Variants in PRKCH observed in about 807,000 individuals in gnomAD.
PRKCH encodes protein kinase C eta.
In PRKCH, 28 loss-of-function variants were observed where a neutral mutation model predicts 82.5. The observed-to-expected ratio is 0.34, with a 90% CI of 0.25 to 0.47. PRKCH has a LOEUF of 0.47. Ranked by LOEUF, PRKCH falls within the 20% of genes least tolerant of loss-of-function variation. The probability of loss-of-function intolerance (pLI) is 1.00; values close to 1 mark genes in which losing one functional copy is unlikely to be tolerated. For missense variants in PRKCH, 705 were observed against 881.8 expected, an observed-to-expected ratio of 0.80 and a Z score of 2.54; for synonymous variants, 322 against 327.4, an observed-to-expected ratio of 0.98 and a Z score of 0.18.
chr14:61,197,127 G>C (rs1392053663), intron 1 of PRKCH, among the ~76,000 whole-genome samples: 3 of 152,144 alleles, frequency 2.0e-5, no homozygotes, highest in Admixed American at 1.3e-4. Context: ...ATCCTTCAGA[G>C]CTCAGCTTAA....
intron 1 of PRKCH, chr14:61,279,949 T>G: frequency 8.7e-6 from 6 of 691,100 alleles, no homozygotes; most frequent in South Asian, 4.2e-5. Context: ...GCAAGGGGGG[T>G]AATTCCCTTA....
chr14:61,451,711 C>T (rs545100643), intron 6 of PRKCH, among the ~76,000 whole-genome samples: 149 of 152,222 alleles, frequency 9.8e-4, no homozygotes, highest in Non-Finnish European at 1.5e-4. Context: ...ATCTGACTGC[C>T]GTGGGGTGCA....
At position 61,241,209 on chromosome 14, in the gene PRKCH, A is replaced by G. The variant is rs117575104; in HGVS notation, c.-19+53541A>G. ...ACAAAGGACACAGATAAAGAAGTGT[A>G]TAGGGTGAGGTTATGTGAGGAAGGG... On this transcript the variant is annotated intron_variant, in intron 1 of 3. Transcript: ENST00000555185. Among the ~76,000 whole-genome samples, 545 of 152,348 alleles carry G rather than the reference A, an allele frequency of 3.6e-3. 1 individual carries two copies. Among genetic ancestry groups the G allele is most frequent in the Middle Eastern group, 6.8e-3 (2 of 294 alleles).
intron 1 of PRKCH, among the ~76,000 whole-genome samples, chr14:61,375,600 CAG>C (rs374616162): frequency 3.3e-5 from 5 of 150,372 alleles, no homozygotes; most frequent in Admixed American, 6.6e-5. Flanking sequence ...CATGGCAGAG[CAG>C]AGAGAGAGAG....
At chr14:61,210,848 A>G (rs2044573190) in intron 1 of PRKCH, among the ~76,000 whole-genome samples, 1 of 150,648 alleles carries the variant, frequency 6.6e-6, no homozygotes, top group Non-Finnish European at 1.5e-5. Context: ...GCCTGGGTTG[A>G]ATTAGAGAAG....
intron 10 of PRKCH, among the ~76,000 whole-genome samples, chr14:61,494,839 A>T (rs1412757967): frequency 1.3e-5 from 2 of 152,222 alleles, no homozygotes; most frequent in African/African-American, 4.8e-5. Flanking sequence ...AACTCTGGTC[A>T]TGCTTTTCTT....
intron 4 of PRKCH, 83 bp from the exon 5 acceptor site, chr14:61,449,081 G>A (rs1462006778): frequency 3.5e-5 from 46 of 1,302,120 alleles, no homozygotes; most frequent in Middle Eastern, 3.7e-4. Context: ...TTGTTGGCAC[G>A]GTGCAGCCCT....
intron 10 of PRKCH, among the ~76,000 whole-genome samples, chr14:61,523,304 A>G (rs1213185032): frequency 6.6e-6 from 1 of 152,256 alleles, no homozygotes; most frequent in Non-Finnish European, 1.5e-5. Context: ...TCATAGTAAT[A>G]TGCATAAAAC....
At position 61,449,249 on chromosome 14, in the gene PRKCH, A is replaced by G. The variant is rs1288655183; in HGVS notation, c.699A>G (p.Ser233=). The part of the protein sequence containing the change: ...TCQNNINKVD[S]KIAEQRFGIN... Reference sequence around the variant, plus strand: ...AAAACAATATTAACAAAGTGGATTCAAAGGTAAGAGGATAGCAGTTTGCTG... The same window carrying G: ...AAAACAATATTAACAAAGTGGATTCGAAGGTAAGAGGATAGCAGTTTGCTG... Residue 233 remains serine, a synonymous_variant, in exon 5 of 14, where the codon TCA becomes TCG. Coordinates refer to ENST00000332981, the MANE Select transcript of PRKCH (RefSeq NM_006255.5). 6.2e-7 allele frequency: 1 copy of G among 1,611,538 alleles called. No individual in the cohort carries two copies. The highest frequency in any genetic ancestry group is 1.1e-5 in the South Asian group (1 of 91,020).
chr14:61,207,055 G>A (rs916565808), intron 1 of PRKCH, among the ~76,000 whole-genome samples: 6 of 130,974 alleles, frequency 4.6e-5, no homozygotes, highest in Non-Finnish European at 9.2e-5. Flanking sequence ...GCAGTGAGCC[G>A]AGATCATGCC....
intron 1 of PRKCH, among the ~76,000 whole-genome samples, chr14:61,370,015 AGTGGC>A (rs1259240622): frequency 6.6e-6 from 1 of 151,916 alleles, no homozygotes; most frequent in Non-Finnish European, 1.5e-5. Flanking sequence ...GTTGGAGTGC[AGTGGC>A]GTGATCTCCG....
intron 1 of PRKCH, among the ~76,000 whole-genome samples, chr14:61,234,124 A>T (rs1289185524): frequency 1.3e-5 from 2 of 152,182 alleles, no homozygotes; most frequent in South Asian, 2.1e-4. Context: ...TCTTTTTACC[A>T]CTAGGCAATA....
chr14:61,254,379 A>T (rs1049523364), intron 1 of PRKCH, among the ~76,000 whole-genome samples: 2 of 152,152 alleles, frequency 1.3e-5, no homozygotes, highest in Non-Finnish European at 2.9e-5. Context: ...TTGGGAGGCC[A>T]AGGTAGGAGG....
intron 1 of PRKCH, among the ~76,000 whole-genome samples, chr14:61,314,873 C>G (rs1055042597): frequency 1.3e-5 from 2 of 152,164 alleles, no homozygotes; most frequent in Admixed American, 1.3e-4. Context: ...CTCAGCCCCC[C>G]ATGCCACCCC....
intron 9 of PRKCH, among the ~76,000 whole-genome samples, chr14:61,482,808 G>A (rs1435792917): frequency 1.3e-5 from 2 of 152,222 alleles, no homozygotes; most frequent in East Asian, 3.8e-4. Context: ...GGCTGTAGAT[G>A]GGGCTGGGCT....
At chr14:61,236,710 CAAA>C (rs35185475) in intron 1 of PRKCH, among the ~76,000 whole-genome samples, 15 of 87,672 alleles carry the variant, frequency 1.7e-4, no homozygotes, top group East Asian at 3.3e-4. Flanking sequence ...TGTCTCAAAA[CAAA>C]AAAAAAAAAA....
chr14:61,462,041 T>C (rs963606575), intron 9 of PRKCH, among the ~76,000 whole-genome samples: 6 of 152,160 alleles, frequency 3.9e-5, no homozygotes, highest in Admixed American at 3.9e-4. Context: ...AGTAGATGTC[T>C]CCAAAGCAAA....
intron 1 of PRKCH, among the ~76,000 whole-genome samples, chr14:61,356,201 C>T (rs2046146114): frequency 6.6e-6 from 1 of 152,102 alleles, no homozygotes; most frequent in South Asian, 2.1e-4. Context: ...GTTTTGCAGG[C>T]TGCCTGGTCG....
intron 1 of PRKCH, among the ~76,000 whole-genome samples, chr14:61,265,155 C>A (rs2045086616): frequency 6.6e-6 from 1 of 152,042 alleles, no homozygotes; most frequent in Non-Finnish European, 1.5e-5. Flanking sequence ...TGTTATGAAC[C>A]CTTGCAATTT....
Sources: gnomAD v4.1 joint callset for allele counts (sites outside exome capture counted in the v4.1 genomes callset) on GRCh38, gnomAD v4.1.1 for gene constraint, MANE v1.5 for transcripts, NCBI Gene and HGNC (gene_info 2026-07-23, HGNC 2026-07-21) for gene names.